The following DNAH14 variants were observed in gnomAD, a reference collection of about 807,000 sequenced individuals.
The protein encoded by DNAH14 is axonemal beta dynein heavy chain 14.
DNAH14 carries 478 observed loss-of-function variants against 520.9 expected under a neutral mutation model. That is an observed-to-expected ratio of 0.92 (90% confidence interval 0.85 to 0.99). The LOEUF (loss-of-function observed/expected upper bound fraction) is 0.99. Ranked by LOEUF, DNAH14 falls within the 50% of genes least tolerant of loss-of-function variation. The pLI is 0.00. For synonymous variants in DNAH14, 1,581 were observed against 1,757.2 expected (o/e 0.90, Z 2.51); for missense variants, 4,831 against 5,234.5 (o/e 0.92, Z 2.38).
At chr1:225,028,008 C>T (rs965054555) in intron 11 of DNAH14, among the ~76,000 whole-genome samples, 1 of 151,848 alleles carries the variant, frequency 6.6e-6, no homozygotes, top group Non-Finnish European at 1.5e-5. Context: ...GTTTATTATC[C>T]TTTGTATATG....
rs1558220387 is a variant in DNAH14 at position 225,270,802 on chromosome 1, T to C, written c.7607T>C (p.Leu2536Pro). The change falls in exon 50 of 86, where the codon CTC becomes CCC. Residue 2536 changes from leucine (L) to proline (P), a missense_variant. By Grantham distance (98) the Leu-to-Pro change is moderately conservative. Coordinates refer to ENST00000682510, the MANE Select transcript of DNAH14 (RefSeq NM_001367479.1). ...GTGAATGATATCAGCCCACGTCTTC[T>C]CAAACACTTTTCCATGCTGGTATTA... ...PVVNDISPRL[L>P]KHFSMLVLPH... 6.4e-7 allele frequency: 1 copy of C among 1,551,346 alleles called. No homozygotes were observed.
chr1:225,080,320 A>T (rs183170400), intron 18 of DNAH14, 59 bp from the exon 19 acceptor site: 2 of 1,434,150 alleles, frequency 1.4e-6, no homozygotes, highest in Admixed American at 5.7e-5. Context: ...CACTGCCAGT[A>T]AAACAGTACG....
chr1:225,090,730 A>G (rs1421432005), intron 21 of DNAH14, among the ~76,000 whole-genome samples: 1 of 152,164 alleles, frequency 6.6e-6, no homozygotes, highest in East Asian at 1.9e-4. Flanking sequence ...TTTAACACAT[A>G]AAAGGATTAT....
chr1:225,367,030 C>T (rs1246137206), intron 76 of DNAH14, among the ~76,000 whole-genome samples: 1 of 151,734 alleles, frequency 6.6e-6, no homozygotes, highest in Non-Finnish European at 1.5e-5. Flanking sequence ...CACACACACA[C>T]ACACACACAC....
At chr1:225,143,968 A>G (rs2079685990) in intron 28 of DNAH14, among the ~76,000 whole-genome samples, 1 of 152,218 alleles carries the variant, frequency 6.6e-6, no homozygotes, top group Non-Finnish European at 1.5e-5. Flanking sequence ...TACAAAGTTC[A>G]ATTTGTTTTG....
At chr1:225,077,932 A>G (rs888878896) in intron 17 of DNAH14, among the ~76,000 whole-genome samples, 27 of 152,166 alleles carry the variant, frequency 1.8e-4, no homozygotes, top group African/African-American at 5.3e-4. Context: ...ATCAAATTAG[A>G]CACACACATA....
chr1:225,250,906 G>A (rs931900893), intron 43 of DNAH14, among the ~76,000 whole-genome samples: 3 of 152,130 alleles, frequency 2.0e-5, no homozygotes, highest in Non-Finnish European at 2.9e-5. Flanking sequence ...GAGATGCTTG[G>A]AAGTGTGGCC....
intron 11 of DNAH14, among the ~76,000 whole-genome samples, chr1:225,038,318 T>C (rs752001029): frequency 3.3e-5 from 5 of 152,116 alleles, no homozygotes; most frequent in Non-Finnish European, 7.4e-5. Context: ...CTTTGGGAGT[T>C]TGATTATTAA....
At position 224,955,111 on chromosome 1, in the gene DNAH14, A is replaced by T; in HGVS notation, c.217+13A>T. The T allele has an allele frequency of 1.2e-6, 2 of 1,605,362 alleles. No homozygotes were observed. Among genetic ancestry groups the T allele is most frequent in the South Asian group, 2.3e-5 (2 of 88,364 alleles). ...GAGAAAACAGAAGGTATTTATCAAG[A>T]TTACTATTCTGGCATGTTGATTTAT... On this transcript the variant is annotated intron_variant, in intron 3 of 85. Transcript: ENST00000682510.
At chr1:225,328,923 C>A (rs535550321) in intron 64 of DNAH14, among the ~76,000 whole-genome samples, 8 of 152,162 alleles carry the variant, frequency 5.3e-5, no homozygotes, top group South Asian at 2.1e-4. Context: ...AATTCTAAAT[C>A]ATTAAACATG....
rs1326837202 is a variant in DNAH14 at position 225,322,129 on chromosome 1, C to T, written c.9336-535C>T. Among the ~76,000 whole-genome samples, 7 of 104,408 alleles carry T rather than the reference C, an allele frequency of 6.7e-5. No homozygotes were observed. In the South Asian group the frequency reaches 1.7e-3, roughly 25 times the overall value. 68.5% of individuals were successfully genotyped at this position (104,408 alleles called of 152,430 possible). On this transcript the variant is annotated intron_variant, in intron 61 of 85. Transcript: ENST00000682510. ...TTTTTGAGACAGTGTCTCACTTTGT[C>T]GCCCAGGCTGGAGAACAGTGGCGTG...
Position 225,272,955 on chromosome 1 carries a change from C to G in DNAH14, c.7840C>G (p.Leu2614Val). Residue 2614 changes from leucine (L) to valine (V), a missense_variant and splice_region_variant, in exon 52 of 86, where the codon CTT becomes GTT. Coordinates refer to ENST00000682510, the MANE Select transcript of DNAH14 (RefSeq NM_001367479.1). Reference sequence around the variant, plus strand: ...AACGTTATTTTTAAATCCCTAACAGCTTCTCCTAGGATTGCTGCAAGCTGA... The same window carrying G: ...AACGTTATTTTTAAATCCCTAACAGGTTCTCCTAGGATTGCTGCAAGCTGA... Reference protein sequence around the residue: ...YMFNLRDMFKLLLGLLQADRT... With the variant: ...YMFNLRDMFKVLLGLLQADRT... 2 of 1,522,206 alleles carry G rather than the reference C, an allele frequency of 1.3e-6. No individual in the cohort carries two copies. Among genetic ancestry groups the G allele is most frequent in the Non-Finnish European group, 1.8e-6 (2 of 1,138,748 alleles). 94.3% of individuals were successfully genotyped at this position (1,522,206 alleles called of 1,614,324 possible). A position where few individuals can be genotyped will look rare whatever the true frequency, so the allele number is the denominator to read the frequency against.
intron 32 of DNAH14, among the ~76,000 whole-genome samples, chr1:225,152,353 C>G (rs1353518321): frequency 6.6e-6 from 1 of 152,092 alleles, no homozygotes; most frequent in African/African-American, 2.4e-5. Context: ...AAAGAGGACC[C>G]AGGCAGAAAA....
intron 11 of DNAH14, among the ~76,000 whole-genome samples, chr1:225,030,940 C>T (rs1202317400): frequency 6.6e-6 from 1 of 151,934 alleles, no homozygotes; most frequent in Admixed American, 6.6e-5. Flanking sequence ...ATTGAGATTG[C>T]ATTGAATATA....
chr1:225,265,300 C>T lies in DNAH14; in HGVS notation c.7341C>T (p.Thr2447=), dbSNP rs1395065965. 6.5e-7 allele frequency: 1 copy of T among 1,544,226 alleles called. No individual in the cohort carries two copies. The highest frequency in any genetic ancestry group is 1.4e-5 in the African/African-American group (1 of 72,468). The stretch of plus-strand genomic sequence containing the variant: ...GCACCAATGTAACAGCTGCCAAAAC[C>T]AAGGAGATGATTCTTAAGAAGTTAA... ...NFSTNVTAAK[T]KEMILKKLIR... Residue 2447 remains threonine, a synonymous_variant, in exon 48 of 86, where the codon ACC becomes ACT. Coordinates refer to ENST00000682510, the MANE Select transcript of DNAH14 (RefSeq NM_001367479.1).
chr1:225,246,367 A>G (rs2092283992), intron 43 of DNAH14, among the ~76,000 whole-genome samples: 1 of 152,168 alleles, frequency 6.6e-6, no homozygotes, highest in African/African-American at 2.4e-5. Flanking sequence ...ACAAAAGCCA[A>G]ATTTGACAAA....
chr1:225,082,003 T>C (rs2073175164), intron 19 of DNAH14, among the ~76,000 whole-genome samples: 1 of 152,102 alleles, frequency 6.6e-6, no homozygotes, highest in African/African-American at 2.4e-5. Context: ...GAGTACTGTG[T>C]CTCATGCCTG....
In DNAH14 at chr1:225,399,043, T is replaced by A; in HGVS notation, c.13639-11T>A. On this transcript the variant is annotated splice_polypyrimidine_tract_variant and intron_variant, in intron 85 of 85. Transcript: ENST00000682510. ...TGCAATTTGACTACTGGATTTTTTT[T>A]TTTTTTAAAGATTTCTACCAAAACA... is the stretch of plus-strand genomic sequence containing the variant. The A allele has an allele frequency of 6.5e-7, 1 of 1,533,014 alleles. No individual in the cohort carries two copies. The highest frequency in any genetic ancestry group is 8.8e-7 in the Non-Finnish European group (1 of 1,138,846). The allele number at this position is 1,533,014 out of a possible 1,614,324, so 95.0% of individuals were successfully genotyped here.
chr1:225,250,493 A>G (rs928284175), intron 43 of DNAH14, among the ~76,000 whole-genome samples: 28 of 152,232 alleles, frequency 1.8e-4, no homozygotes, highest in Non-Finnish European at 4.4e-5. Context: ...AGAAGAATAT[A>G]CAACAGAGAT....
Sources: gnomAD v4.1 joint callset for allele counts (sites outside exome capture counted in the v4.1 genomes callset) on GRCh38, gnomAD v4.1.1 for gene constraint, MANE v1.5 for transcripts, NCBI Gene and HGNC (gene_info 2026-07-23, HGNC 2026-07-21) for gene names.